Variants in EGFLAM observed in about 807,000 individuals in gnomAD.
EGFLAM encodes pikachurin.
A neutral mutation model predicts 113.1 loss-of-function variants in EGFLAM; 79 were observed. The ratio of observed to expected loss-of-function variants is 0.70; its 90% CI spans 0.58 to 0.84. The LOEUF is 0.84. EGFLAM is among the 40% of genes least tolerant of loss of function. The probability of loss-of-function intolerance (pLI) is 0.00; values close to 1 mark genes in which losing one functional copy is unlikely to be tolerated. For missense variants in EGFLAM, 1,265 were observed against 1,291.6 expected (o/e 0.98, Z 0.32); for synonymous variants, 504 against 487.6 (o/e 1.03, Z -0.44).
intron 5 of EGFLAM, among the ~76,000 whole-genome samples, chr5:38,369,142 A>G (rs1740142086): frequency 6.6e-6 from 1 of 152,222 alleles, no homozygotes; most frequent in African/African-American, 2.4e-5. Flanking sequence ...TCCAGTAGAA[A>G]TACAACGCCA....
At position 38,419,710 on chromosome 5, in the gene EGFLAM, C is replaced by T. The variant is rs571224842; in HGVS notation, c.1684+1455C>T. On this transcript the variant is annotated intron_variant, in intron 12 of 21. Transcript: ENST00000322350. ...TTCCAAGGTTATTGTGAAGTAGGTG[C>T]TATCATTAGCCTTACTTTACAGATA... 3.2e-4 allele frequency among the ~76,000 whole-genome samples: 49 copies of T among 152,258 alleles called. 1 individual carries two copies. The highest frequency in any genetic ancestry group is 1.2e-3 in the African/African-American group (49 of 41,554).
intron 1 of EGFLAM, among the ~76,000 whole-genome samples, chr5:38,279,818 A>G (rs915807361): frequency 6.6e-6 from 1 of 152,218 alleles, no homozygotes; most frequent in African/African-American, 2.4e-5. Context: ...TGCTGAGTAT[A>G]GTTAATGATG....
intron 3 of EGFLAM, among the ~76,000 whole-genome samples, chr5:38,340,935 A>C (rs1260092511): frequency 6.6e-6 from 1 of 152,166 alleles, no homozygotes; most frequent in Admixed American, 6.5e-5. Context: ...GCAGTGATTC[A>C]GCAATGCAAT....
rs187251305 is a variant in EGFLAM at position 38,430,747 on chromosome 5, A to C, written c.2055-430A>C. On this transcript the variant is annotated intron_variant, in intron 14 of 21. Transcript: ENST00000322350. ...CCATCTGCAAGCTGGCAGCCCAGGA[A>C]ATTTAGTGGTGTATTTCCAGTCCAA... 1.1e-3 allele frequency among the ~76,000 whole-genome samples: 166 copies of C among 152,246 alleles called. 1 individual carries two copies. The highest frequency in any genetic ancestry group is 6.5e-4 in the Non-Finnish European group (44 of 68,018).
chr5:38,422,093 C>T (rs1384326661), intron 12 of EGFLAM, among the ~76,000 whole-genome samples: 1 of 152,060 alleles, frequency 6.6e-6, no homozygotes, highest in Non-Finnish European at 1.5e-5. Flanking sequence ...GGGTTGGGGA[C>T]AGGGAAGTTT....
At position 38,407,201 on chromosome 5, in the gene EGFLAM, A is replaced by G. The variant is rs541596027; in HGVS notation, c.1147+55A>G. The G allele has an allele frequency of 1.6e-4, 250 of 1,580,934 alleles. 1 individual carries two copies. In the African/African-American group the frequency reaches 2.9e-3, roughly 18 times the overall value. ...TGATGAATTGGCACCATTGACAGCC[A>G]GAGGGCAGTTTTGTGGTCCAAACAT... On this transcript the variant is annotated intron_variant, in intron 8 of 21. Coordinates refer to ENST00000322350, the MANE Select transcript of EGFLAM (RefSeq NM_152403.4).
chr5:38,358,387 C>T (rs1390118412), intron 5 of EGFLAM, among the ~76,000 whole-genome samples: 1 of 132,614 alleles, frequency 7.5e-6, no homozygotes, highest in Admixed American at 9.8e-5. Flanking sequence ...GCGGAGCTTG[C>T]AGTGAGCCCA....
At chr5:38,339,627 C>T (rs973668940) in intron 3 of EGFLAM, among the ~76,000 whole-genome samples, 4 of 152,164 alleles carry the variant, frequency 2.6e-5, no homozygotes, top group African/African-American at 7.2e-5. Flanking sequence ...TCACAACTAT[C>T]CTATGACCTC....
At chr5:38,434,114 T>C (rs1326111977) in intron 15 of EGFLAM, among the ~76,000 whole-genome samples, 1 of 152,186 alleles carries the variant, frequency 6.6e-6, no homozygotes, top group Non-Finnish European at 1.5e-5. Context: ...TTGGGTAAAA[T>C]TCATGCTCGT....
chr5:38,300,101 G>A (rs1472325826), intron 1 of EGFLAM, among the ~76,000 whole-genome samples: 1 of 152,206 alleles, frequency 6.6e-6, no homozygotes, highest in Non-Finnish European at 1.5e-5. Flanking sequence ...TAAATGGAGT[G>A]GTCAGATTGG....
At chr5:38,451,712 C>A in intron 19 of EGFLAM, 2 of 453,000 alleles carry the variant, frequency 4.4e-6, no homozygotes, top group East Asian at 7.6e-5. Flanking sequence ...TTGCTGGGGC[C>A]GGGCACAGTG....
At chr5:38,322,922 C>T (rs1042050413) in intron 1 of EGFLAM, among the ~76,000 whole-genome samples, 2 of 152,198 alleles carry the variant, frequency 1.3e-5, no homozygotes, top group Admixed American at 6.5e-5. Context: ...GTCTTAAACC[C>T]ACATTTTCAC....
At chr5:38,307,197 A>G (rs1458373173) in intron 1 of EGFLAM, among the ~76,000 whole-genome samples, 1 of 152,240 alleles carries the variant, frequency 6.6e-6, no homozygotes, top group East Asian at 1.9e-4. Flanking sequence ...GTTGTTTTTC[A>G]GTAACAGATA....
Position 38,338,722 on chromosome 5 carries a change from G to A in EGFLAM, c.232G>A (p.Asp78Asn), listed in dbSNP as rs766384192. Residue 78 changes from aspartate (D) to asparagine (N), a missense_variant, in exon 3 of 22, where the codon GAT becomes AAT. Transcript: ENST00000322350. ...YTVFYSEVGA[D>N]KSLQEQLHSV... is the part of the protein sequence containing the mutation. ...GGTCTTTTACTCTGAGGTTGGCGCAGATAAATCCCTGCAGGAGCAGTTGCA... is the reference window on the plus strand; with the variant it reads ...GGTCTTTTACTCTGAGGTTGGCGCAAATAAATCCCTGCAGGAGCAGTTGCA... 6.2e-7 allele frequency: 1 copy of A among 1,614,238 alleles called. No homozygotes were observed. Among genetic ancestry groups the A allele is most frequent in the East Asian group, 2.2e-5 (1 of 44,892 alleles).
chr5:38,462,035 G>A (rs1381817272), intron 20 of EGFLAM, among the ~76,000 whole-genome samples: 2 of 152,138 alleles, frequency 1.3e-5, no homozygotes, highest in African/African-American at 4.8e-5. Context: ...GGGCGAGGTG[G>A]CGGGCGCCTG....
At chr5:38,369,050 A>T (rs1740139881) in intron 5 of EGFLAM, among the ~76,000 whole-genome samples, 1 of 152,112 alleles carries the variant, frequency 6.6e-6, no homozygotes, top group Admixed American at 6.5e-5. Context: ...AATTATTTCC[A>T]ACTTTTATCT....
intron 3 of EGFLAM, among the ~76,000 whole-genome samples, chr5:38,341,055 G>A (rs1739323291): frequency 6.6e-6 from 1 of 152,174 alleles, no homozygotes; most frequent in East Asian, 1.9e-4. Flanking sequence ...AGTTTCCTCA[G>A]TGACATATAT....
intron 1 of EGFLAM, chr5:38,290,695 T>G (rs564574896): frequency 1.2e-4 from 19 of 152,384 alleles, no homozygotes; most frequent in Admixed American, 4.6e-4. Context: ...GGCCTCCAAT[T>G]CAAATTCCGT....
chr5:38,366,897 A>G (rs1422043865), intron 5 of EGFLAM, among the ~76,000 whole-genome samples: 1 of 152,224 alleles, frequency 6.6e-6, no homozygotes, highest in Non-Finnish European at 1.5e-5. Context: ...GCCAGGCTGG[A>G]TTCTAACAAT....
Sources: gnomAD v4.1 joint callset for allele counts (sites outside exome capture counted in the v4.1 genomes callset) on GRCh38, gnomAD v4.1.1 for gene constraint, MANE v1.5 for transcripts, NCBI Gene and HGNC (gene_info 2026-07-23, HGNC 2026-07-21) for gene names.